CHSY3: variants seen among roughly 807,000 people sequenced by gnomAD.
CHSY3 encodes chondroitin sulfate synthase 3.
In CHSY3, 35 loss-of-function variants were observed where a neutral mutation model predicts 67.2. That is an observed-to-expected ratio of 0.52 (90% CI 0.40 to 0.69). CHSY3 has a LOEUF of 0.69. CHSY3 is among the 30% of genes least tolerant of loss of function. The pLI, the probability that CHSY3 is intolerant of heterozygous loss-of-function variation, is 0.00. For missense variants in CHSY3, 1,069 were observed against 1,138.5 expected (o/e 0.94, Z 0.88); for synonymous variants, 474 against 434.7 (o/e 1.09, Z -1.12).
chr5:129,966,344 G>A (rs1360112616), intron 2 of CHSY3, among the ~76,000 whole-genome samples: 1 of 151,800 alleles, frequency 6.6e-6, no homozygotes, highest in Non-Finnish European at 1.5e-5. Context: ...CAGGTAGGTA[G>A]TGCATTGTGT....
At chr5:130,154,463 A>G (rs1451180136) in intron 2 of CHSY3, among the ~76,000 whole-genome samples, 1 of 152,184 alleles carries the variant, frequency 6.6e-6, no homozygotes, top group Non-Finnish European at 1.5e-5. Context: ...ATCTCAGTGA[A>G]CCATCCCATG....
intron 2 of CHSY3, among the ~76,000 whole-genome samples, chr5:130,012,405 G>A (rs887246587): frequency 1.3e-5 from 2 of 152,154 alleles, no homozygotes; most frequent in Non-Finnish European, 2.9e-5. Flanking sequence ...CTGATGACTG[G>A]AAATGTACTC....
At chr5:130,051,788 T>C (rs1335130516) in intron 2 of CHSY3, among the ~76,000 whole-genome samples, 3 of 151,678 alleles carry the variant, frequency 2.0e-5, no homozygotes, top group South Asian at 4.2e-4. Flanking sequence ...GAAAAGCAAA[T>C]TGTGGAAATT....
intron 2 of CHSY3, among the ~76,000 whole-genome samples, chr5:129,935,152 A>C (rs1561462302): frequency 6.6e-6 from 1 of 152,214 alleles, no homozygotes; most frequent in Non-Finnish European, 1.5e-5. Context: ...CACATTTCTG[A>C]GGTAAACATT....
intron 2 of CHSY3, among the ~76,000 whole-genome samples, chr5:130,009,503 CAA>C (rs571596807): frequency 4.3e-5 from 6 of 139,280 alleles, no homozygotes; most frequent in Non-Finnish European, 3.1e-5. Context: ...TACTGGCCAC[CAA>C]AAAAAAAAAG....
intron 2 of CHSY3, among the ~76,000 whole-genome samples, chr5:130,077,644 T>A (rs1476533892): frequency 6.6e-6 from 1 of 152,108 alleles, no homozygotes; most frequent in Non-Finnish European, 1.5e-5. Flanking sequence ...CAAGCAGGTG[T>A]TCTATACTAG....
chr5:130,002,096 G>T (rs1763743338), intron 2 of CHSY3: 1 of 958,846 alleles, frequency 1.0e-6, no homozygotes. Context: ...CAAAGGTGGT[G>T]CTTGGTGGCC....
chr5:130,048,320 T>C (rs904641455), intron 2 of CHSY3, among the ~76,000 whole-genome samples: 3 of 152,186 alleles, frequency 2.0e-5, no homozygotes, highest in African/African-American at 7.2e-5. Context: ...TAAAATGAAA[T>C]ATATAGCTAC....
At chr5:129,947,318 A>T (rs976773226) in intron 2 of CHSY3, among the ~76,000 whole-genome samples, 1 of 152,080 alleles carries the variant, frequency 6.6e-6, no homozygotes, top group African/African-American at 2.4e-5. Flanking sequence ...GGATTATGGG[A>T]ACTACAATTC....
chr5:130,115,206 T>C (rs1445480159), intron 2 of CHSY3, among the ~76,000 whole-genome samples: 1 of 151,994 alleles, frequency 6.6e-6, no homozygotes, highest in Non-Finnish European at 1.5e-5. Flanking sequence ...CCCCTAACAC[T>C]TCAAAAAGAA....
At chr5:130,135,139 C>T (rs776656408) in intron 2 of CHSY3, among the ~76,000 whole-genome samples, 11 of 151,490 alleles carry the variant, frequency 7.3e-5, no homozygotes, top group Non-Finnish European at 1.3e-4. Flanking sequence ...ATGTGTGGTC[C>T]CTTCTTTATG....
chr5:130,173,790 A>T (rs1336850540), intron 2 of CHSY3, among the ~76,000 whole-genome samples: 6 of 151,486 alleles, frequency 4.0e-5, no homozygotes, highest in Non-Finnish European at 8.8e-5. Context: ...ATGTATGTTT[A>T]TTTTCCCTCA....
intron 2 of CHSY3, among the ~76,000 whole-genome samples, chr5:130,180,533 G>GT (rs1039793954): frequency 7.3e-5 from 11 of 151,644 alleles, no homozygotes; most frequent in African/African-American, 2.7e-4. Flanking sequence ...TTTGTTTTTT[G>GT]TTTTTTGTTT....
chr5:129,983,192 C>T (rs1277375671), intron 2 of CHSY3, among the ~76,000 whole-genome samples: 1 of 151,976 alleles, frequency 6.6e-6, no homozygotes, highest in Non-Finnish European at 1.5e-5. Context: ...TTTGCTTCAC[C>T]TCTCTTCTCT....
At chr5:129,906,187 G>GTGT (rs1185251712) in intron 1 of CHSY3, among the ~76,000 whole-genome samples, 1 of 152,072 alleles carries the variant, frequency 6.6e-6, no homozygotes, top group Admixed American at 6.5e-5. Flanking sequence ...CCTTTCCTAT[G>GTGT]TGTTCCCTTC....
chr5:130,070,767 T>C (rs963140910), intron 2 of CHSY3, among the ~76,000 whole-genome samples: 3 of 152,062 alleles, frequency 2.0e-5, no homozygotes, highest in African/African-American at 7.2e-5. Flanking sequence ...GAAGTGTTAA[T>C]AAAAGTAAGA....
intron 2 of CHSY3, among the ~76,000 whole-genome samples, chr5:130,165,033 A>C (rs1769701027): frequency 6.6e-6 from 1 of 152,184 alleles, no homozygotes; most frequent in Admixed American, 6.6e-5. Flanking sequence ...AAGGTAGCAG[A>C]GAAAGCTGGA....
chr5:130,115,159 T>C (rs1767749699), intron 2 of CHSY3, among the ~76,000 whole-genome samples: 1 of 152,066 alleles, frequency 6.6e-6, no homozygotes, highest in Non-Finnish European at 1.5e-5. Context: ...GATTGAAAGA[T>C]TACAGTATGA....
Position 130,129,021 on chromosome 5 carries a change from C to T in CHSY3, c.1087-55208C>T, listed in dbSNP as rs181803251. 1.9e-3 allele frequency among the ~76,000 whole-genome samples: 286 copies of T among 151,402 alleles called. 6 individuals carry two copies. Among genetic ancestry groups the T allele is most frequent in the Non-Finnish European group, 2.9e-4 (20 of 67,894 alleles). On this transcript the variant is annotated intron_variant, in intron 2 of 2. Transcript: ENST00000305031. ...GTTAGCCAATACAGTAGGAAATGTG[C>T]TCAGGCAAACATTTATCTGCTCAAT...
Sources: allele counts gnomAD v4.1 joint callset (sites outside exome capture counted in the v4.1 genomes callset), GRCh38; gene constraint gnomAD v4.1.1; transcripts MANE v1.5; gene names NCBI Gene and HGNC (gene_info 2026-07-23, HGNC 2026-07-21).